Variants in MUSK observed in about 807,000 individuals in gnomAD.
The protein encoded by MUSK is muscle associated receptor tyrosine kinase.
A neutral mutation model predicts 88.7 loss-of-function variants in MUSK; 55 were observed. The observed-to-expected ratio is 0.62, with a 90% CI of 0.50 to 0.78. The LOEUF (loss-of-function observed/expected upper bound fraction) is 0.78. Ranked by LOEUF, MUSK falls within the 30% of genes least tolerant of loss-of-function variation. The probability of loss-of-function intolerance (pLI) is 0.00; values close to 1 mark genes in which losing one functional copy is unlikely to be tolerated. For missense variants in MUSK, 1,015 were observed against 1,074.3 expected, an observed-to-expected ratio of 0.94 and a Z score of 0.77; for synonymous variants, 387 against 391.9, an observed-to-expected ratio of 0.99 and a Z score of 0.15.
chr9:110,683,064 G>C (rs999421473), intron 2 of MUSK, among the ~76,000 whole-genome samples: 5 of 147,662 alleles, frequency 3.4e-5, no homozygotes, highest in Admixed American at 1.3e-4. Context: ...TCAAATAGTA[G>C]GACTTTTTCA....
rs1047679057 is a variant in MUSK at position 110,692,392 on chromosome 9, T to G, written c.359-3011T>G. On this transcript the variant is annotated intron_variant, in intron 3 of 14. Coordinates refer to ENST00000374448, the MANE Select transcript of MUSK (RefSeq NM_005592.4). ...CTCAGTGTGTTGCACATACTGAGTC[T>G]TGAAGTCCTGTGCTCAAGTGATCCT... 4.6e-5 allele frequency among the ~76,000 whole-genome samples: 7 copies of G among 152,212 alleles called. No individual in the cohort carries two copies. In the South Asian group the frequency reaches 1.4e-3, roughly 32 times the overall value.
chr9:110,767,999 G>A lies in MUSK; in HGVS notation c.1100G>A (p.Arg367Gln), dbSNP rs1038479586. 101 of 1,613,796 alleles carry A rather than the reference G, an allele frequency of 6.3e-5. 1 individual carries two copies. Among genetic ancestry groups the A allele is most frequent in the Non-Finnish European group, 7.8e-5 (92 of 1,179,884 alleles). ...NELKVVSPVCRPAAEALLCNH... is the reference protein window; with the variant it reads ...NELKVVSPVCQPAAEALLCNH... ...CTGAAAGTAGTGAGCCCAGTCTGCC[G>A]GCCAGCTGCTGAGGCTTTGTTGTGT... The change falls in exon 9 of 15, where the codon CGG becomes CAG. Residue 367 changes from arginine to glutamine, a missense_variant. Physicochemically the swap from Arg to Gln is conservative, Grantham distance 43. Transcript: ENST00000374448.
At chr9:110,751,773 G>T (rs1232185345) in intron 7 of MUSK, among the ~76,000 whole-genome samples, 2 of 151,260 alleles carry the variant, frequency 1.3e-5, no homozygotes, top group Non-Finnish European at 2.9e-5. Context: ...ATAAGGAGAG[G>T]GTTAACCTAT....
At chr9:110,751,517 AC>A (rs987702631) in intron 7 of MUSK, among the ~76,000 whole-genome samples, 3 of 152,226 alleles carry the variant, frequency 2.0e-5, no homozygotes, top group African/African-American at 4.8e-5. Context: ...GCAGAGAGCA[AC>A]TTGCAATCTG....
At position 110,761,911 on chromosome 9, in the gene MUSK, T is replaced by C. The variant is rs542757913; in HGVS notation, c.914-291T>C. On this transcript the variant is annotated intron_variant, in intron 7 of 14. Transcript: ENST00000374448. ...TCTTAATGTAAAGTCCCTGGGTAGC[T>C]AATGGAGGGAAATTCTGAGCTTAGA... 11 of 985,294 alleles carry C rather than the reference T, an allele frequency of 1.1e-5. No individual in the cohort carries two copies. In the East Asian group the frequency reaches 1.1e-3, roughly 102 times the overall value. The allele number at this position is 985,294 out of a possible 1,614,324, so 61.0% of individuals were successfully genotyped here. A position where few individuals can be genotyped will look rare whatever the true frequency, so the allele number is the denominator to read the frequency against.
At chr9:110,718,029 T>G (rs1391592127) in intron 5 of MUSK, among the ~76,000 whole-genome samples, 1 of 152,126 alleles carries the variant, frequency 6.6e-6, no homozygotes, top group African/African-American at 2.4e-5. Context: ...TGGATTATGT[T>G]TGCAGTAAAG....
At chr9:110,725,424 A>G (rs546380114) in intron 5 of MUSK, among the ~76,000 whole-genome samples, 1 of 152,172 alleles carries the variant, frequency 6.6e-6, no homozygotes, top group East Asian at 1.9e-4. Flanking sequence ...AACACAGTTG[A>G]TCAAAATGGA....
chr9:110,739,588 T>C (rs1211097997), intron 6 of MUSK, among the ~76,000 whole-genome samples: 1 of 152,164 alleles, frequency 6.6e-6, no homozygotes, highest in East Asian at 1.9e-4. Flanking sequence ...ATATTCTTAT[T>C]ACACAGGATA....
intron 3 of MUSK, among the ~76,000 whole-genome samples, chr9:110,691,492 C>A (rs2076355278): frequency 6.6e-6 from 1 of 152,064 alleles, no homozygotes; most frequent in South Asian, 2.1e-4. Flanking sequence ...CCATTGATTC[C>A]CCAATGGGGC....
chr9:110,691,367 C>T (rs548527351), intron 3 of MUSK, among the ~76,000 whole-genome samples: 6 of 152,224 alleles, frequency 3.9e-5, no homozygotes, highest in Admixed American at 6.5e-5. Flanking sequence ...CCATTGTCTC[C>T]TTCTCAGCTA....
chr9:110,757,063 T>G (rs1170344748), intron 7 of MUSK, among the ~76,000 whole-genome samples: 1 of 152,164 alleles, frequency 6.6e-6, no homozygotes, highest in Non-Finnish European at 1.5e-5. Context: ...AATAGACTAA[T>G]TCACCCAAAA....
At chr9:110,689,618 T>C (rs1346357391) in intron 3 of MUSK, among the ~76,000 whole-genome samples, 1 of 74,136 alleles carries the variant, frequency 1.3e-5, no homozygotes, top group Non-Finnish European at 2.4e-5. Flanking sequence ...TATTTTAGTA[T>C]ATATATTATA....
intron 13 of MUSK, among the ~76,000 whole-genome samples, chr9:110,786,083 G>A (rs976057412): frequency 1.3e-5 from 2 of 150,836 alleles, no homozygotes; most frequent in Non-Finnish European, 3.0e-5. Context: ...AGGCTGAGGC[G>A]GGAGGATCAC....
chr9:110,671,480 G>A (rs895665179), intron 1 of MUSK, among the ~76,000 whole-genome samples: 1 of 152,044 alleles, frequency 6.6e-6, no homozygotes, highest in African/African-American at 2.4e-5. Flanking sequence ...TAACACAAAA[G>A]TATTCAGTGG....
At chr9:110,790,862 T>C (rs1471843480) in intron 14 of MUSK, among the ~76,000 whole-genome samples, 2 of 152,210 alleles carry the variant, frequency 1.3e-5, no homozygotes, top group Admixed American at 1.3e-4. Flanking sequence ...GGTTGTGTAT[T>C]TATCCAAATG....
intron 7 of MUSK, among the ~76,000 whole-genome samples, chr9:110,751,361 G>A (rs754471441): frequency 2.4e-4 from 36 of 152,294 alleles, no homozygotes; most frequent in Middle Eastern, 3.4e-3. Flanking sequence ...GTCCTAGGGT[G>A]TAGGGAGAGG....
chr9:110,695,542 T>C lies in MUSK; in HGVS notation c.486+12T>C. On this transcript the variant is annotated intron_variant, in intron 4 of 14. Transcript: ENST00000374448. ...ACAGCCCTCTCAGGGTAAGTGGTTA[T>C]GATGTTAAAACACATATATAAAATG... 6.5e-7 allele frequency: 1 copy of C among 1,537,810 alleles called. No individual in the cohort carries two copies. The highest frequency in any genetic ancestry group is 8.8e-7 in the Non-Finnish European group (1 of 1,138,104).
intron 5 of MUSK, among the ~76,000 whole-genome samples, chr9:110,729,043 C>A (rs2076926741): frequency 6.6e-6 from 1 of 151,504 alleles, no homozygotes; most frequent in Non-Finnish European, 1.5e-5. Flanking sequence ...AAGAAAGATA[C>A]CCTTTGACTA....
In MUSK at chr9:110,801,749, T is replaced by C. The variant is rs952905275; in HGVS notation, c.*761T>C. ...GTTTTTGTATCTTACTGATTTACCT[T>C]TTCCTTTAAAAATTGTATTGGTATC... On this transcript the variant is annotated 3_prime_UTR_variant, in exon 15 of 15. Coordinates refer to ENST00000374448, the MANE Select transcript of MUSK (RefSeq NM_005592.4). 6.6e-6 allele frequency: 1 copy of C among 152,218 alleles called. No individual in the cohort carries two copies. The highest frequency in any genetic ancestry group is 6.5e-5 in the Admixed American group (1 of 15,282). 9.4% of individuals were successfully genotyped at this position (152,218 alleles called of 1,614,324 possible).
Sources: gnomAD v4.1 joint callset for allele counts (sites outside exome capture counted in the v4.1 genomes callset) on GRCh38, gnomAD v4.1.1 for gene constraint, MANE v1.5 for transcripts, NCBI Gene and HGNC (gene_info 2026-07-23, HGNC 2026-07-21) for gene names.